CCDC197: variants seen among roughly 807,000 people sequenced by gnomAD.
The protein encoded by CCDC197 is coiled-coil domain containing 197, also known as uncharacterized protein CCDC197.
CCDC197 carries 24 observed loss-of-function variants against 13.4 expected under a neutral mutation model. The observed-to-expected ratio is 1.80, with a 90% CI of 1.30 to 2.53. The LOEUF (loss-of-function observed/expected upper bound fraction) is 2.53, where lower values mean the gene tolerates loss of function less well. Ranked by LOEUF, CCDC197 falls within the 30% of genes most tolerant of loss-of-function variation. The probability of loss-of-function intolerance (pLI) is 0.00; values close to 1 mark genes in which losing one functional copy is unlikely to be tolerated. For synonymous variants in CCDC197, 99 were observed against 55.5 expected, an observed-to-expected ratio of 1.78 and a Z score of -3.48; for missense variants, 255 against 148.8, an observed-to-expected ratio of 1.71 and a Z score of -3.71.
rs540898883 is a variant in CCDC197 at position 93,991,916 on chromosome 14, C to A, written c.-107+4520C>A. Among the ~76,000 whole-genome samples, 3 of 152,340 alleles carry A rather than the reference C, an allele frequency of 2.0e-5. No individual in the cohort carries two copies. In the South Asian group the frequency reaches 6.2e-4, roughly 32 times the overall value. ...CAAGGAGGAGCCAGGGCATCTGGAG[C>A]CTCATCAGCCAGAATGTGAACTTCA... On this transcript the variant is annotated intron_variant, in intron 1 of 7. Transcript: ENST00000640978.
chr14:94,005,984 A>G (rs1009309243), intron 6 of CCDC197, among the ~76,000 whole-genome samples: 12 of 152,360 alleles, frequency 7.9e-5, no homozygotes, highest in Admixed American at 5.2e-4. Context: ...ATTTTTATGC[A>G]GAGATATGTT....
At position 94,001,430 on chromosome 14, in the gene CCDC197, G is replaced by C. The variant is rs1042760804; in HGVS notation, c.366+107G>C. On this transcript the variant is annotated intron_variant, in intron 4 of 6. Transcript: ENST00000636493. ...GGGAAGGCCTAGAGGGAGCAGCGGC[G>C]TAATGCTGGGGGGCCCTCGGTGGGG... 8.8e-6 allele frequency: 5 copies of C among 566,072 alleles called. No individual in the cohort carries two copies. In the African/African-American group the frequency reaches 9.5e-5, roughly 11 times the overall value. 35.1% of individuals were successfully genotyped at this position (566,072 alleles called of 1,614,324 possible).
Position 94,008,670 on chromosome 14 carries a change from T to C in CCDC197, c.677T>C (p.Val226Ala), listed in dbSNP as rs561621845. The change falls in exon 7 of 7, where the codon GTG becomes GCG. Residue 226 changes from valine (V) to alanine (A), a missense_variant. Physicochemically the swap from Val to Ala is moderately conservative, Grantham distance 64. Coordinates refer to ENST00000636493, the MANE Select transcript of CCDC197 (RefSeq NM_001351596.2). ...RLIALLTEPK[V>A]CWSWDSFGDQ... ...ATCGCACTGCTCACGGAACCCAAAGTGTGCTGGTCATGGGACAGCTTCGGG... is the reference window on the plus strand; with the variant it reads ...ATCGCACTGCTCACGGAACCCAAAGCGTGCTGGTCATGGGACAGCTTCGGG... The C allele has an allele frequency of 5.7e-6, 4 of 703,022 alleles. No individual in the cohort carries two copies. Among genetic ancestry groups the C allele is most frequent in the South Asian group, 4.4e-5 (3 of 67,602 alleles). 43.5% of individuals were successfully genotyped at this position (703,022 alleles called of 1,614,324 possible).
intron 3 of CCDC197, 31 bp from the exon 4 acceptor site, chr14:94,001,114 C>T: frequency 1.4e-6 from 1 of 738,106 alleles, no homozygotes; most frequent in Non-Finnish European, 2.5e-6. Context: ...CAGGGGCACC[C>T]ACCCATCCCG....
In CCDC197 at chr14:94,004,202, G is replaced by A. The variant is rs541203157; in HGVS notation, c.499-653G>A. 1.4e-3 allele frequency among the ~76,000 whole-genome samples: 206 copies of A among 152,250 alleles called. 2 individuals are homozygous for A. Among genetic ancestry groups the A allele is most frequent in the South Asian group, 2.5e-3 (12 of 4,826 alleles). On this transcript the variant is annotated intron_variant, in intron 5 of 6. Coordinates refer to ENST00000636493, the MANE Select transcript of CCDC197 (RefSeq NM_001351596.2). ...TGTGGTCTGGTCACCCCTGGACCCC[G>A]GTTCCTCGCCATAAACGGAGGCAAC...
chr14:93,998,064 C>T lies in CCDC197; in HGVS notation c.-68C>T, dbSNP rs776603256. On this transcript the variant is annotated 5_prime_UTR_variant, in exon 2 of 7. Coordinates refer to ENST00000636493, the MANE Select transcript of CCDC197 (RefSeq NM_001351596.2). ...AGCTGCGGCTGTGACTGTCCCTTTT[C>T]GGTCTGTCTTCATCCTGCCTGACTC... 6.3e-5 allele frequency: 48 copies of T among 767,690 alleles called. No homozygotes were observed. Among genetic ancestry groups the T allele is most frequent in the South Asian group, 2.9e-4 (21 of 73,082 alleles). The allele number at this position is 767,690 out of a possible 1,614,324, so 47.6% of individuals were successfully genotyped here.
intron 1 of CCDC197, among the ~76,000 whole-genome samples, chr14:93,991,363 C>T (rs972078613): frequency 6.6e-6 from 1 of 152,158 alleles, no homozygotes; most frequent in Admixed American, 6.5e-5. Context: ...TCATTAGGCC[C>T]TCACAGCTCC....
chr14:94,003,205 C>G lies in CCDC197; in HGVS notation c.367-18C>G. On this transcript the variant is annotated intron_variant, in intron 4 of 6. Coordinates refer to ENST00000636493, the MANE Select transcript of CCDC197 (RefSeq NM_001351596.2). This position sits in a 1 kb window ranked among gnomAD's most constrained non-coding sequence, Gnocchi z 5.0. ...GGAGGGTTTGTTGTACCAAGATGGC[C>G]CATTCCCTCTGCCCCAGAGCCTCAA... 1.3e-6 allele frequency: 1 copy of G among 778,350 alleles called. No individual in the cohort carries two copies. The highest frequency in any genetic ancestry group is 1.3e-5 in the South Asian group (1 of 74,202). 48.2% of individuals were successfully genotyped at this position (778,350 alleles called of 1,614,324 possible).
At chr14:93,991,522 T>C (rs569707812) in intron 1 of CCDC197, among the ~76,000 whole-genome samples, 1 of 152,350 alleles carries the variant, frequency 6.6e-6, no homozygotes, top group South Asian at 2.1e-4. Flanking sequence ...TCTGTCTGTA[T>C]GCATACATCT....
downstream of CCDC197, among the ~76,000 whole-genome samples, chr14:94,011,139 C>A (rs544524875): frequency 2.6e-5 from 4 of 152,318 alleles, no homozygotes; most frequent in Non-Finnish European, 5.9e-5. Context: ...TCCCTCTGCA[C>A]GATGGGGCTG....
chr14:94,007,978 G>C (rs1445522324), intron 6 of CCDC197, among the ~76,000 whole-genome samples: 2 of 152,206 alleles, frequency 1.3e-5, no homozygotes, highest in African/African-American at 4.8e-5. Context: ...TGAAGTCTGT[G>C]TAATTGGCAT....
chr14:93,998,656 T>C (rs10134471), intron 2 of CCDC197, among the ~76,000 whole-genome samples: 5 of 152,196 alleles, frequency 3.3e-5, no homozygotes, highest in African/African-American at 4.8e-5. Context: ...CACAAAAGCC[T>C]GAATTCGATG....
chr14:94,002,367 C>T (rs769063497), intron 4 of CCDC197, among the ~76,000 whole-genome samples: 1 of 152,090 alleles, frequency 6.6e-6, no homozygotes. Context: ...CGGCTTACTG[C>T]AGCCTCCGCC....
chr14:94,001,681 T>C (rs1890515524), intron 4 of CCDC197: 1 of 189,900 alleles, frequency 5.3e-6, no homozygotes, highest in African/African-American at 2.3e-5. Context: ...ACACCCTAGT[T>C]GCTAGCGTCC....
At chr14:93,998,346 G>T (rs1295203860) in intron 2 of CCDC197, 111 bp downstream of exon 2, 1 of 683,504 alleles carries the variant, frequency 1.5e-6, no homozygotes, top group African/African-American at 1.8e-5. Flanking sequence ...GGGGGTGGAT[G>T]AGGAGGGCAG....
At chr14:94,010,850 T>C (rs1890796355), downstream of CCDC197, among the ~76,000 whole-genome samples, 1 of 152,154 alleles carries the variant, frequency 6.6e-6, no homozygotes. Context: ...CAAGCTAAAG[T>C]ATCCCATTAA....
In CCDC197 at chr14:94,001,199, A is replaced by G; in HGVS notation, c.242A>G (p.His81Arg). 1.3e-6 allele frequency: 1 copy of G among 780,834 alleles called. No homozygotes were observed. The highest frequency in any genetic ancestry group is 2.4e-6 in the Non-Finnish European group (1 of 418,046). The allele number at this position is 780,834 out of a possible 1,614,324, so 48.4% of individuals were successfully genotyped here. A position where few individuals can be genotyped will look rare whatever the true frequency, so the allele number is the denominator to read the frequency against. ...EEVLVEATVK[H>R]YGKLFTASQD... ...GTGCTGGTGGAGGCCACGGTGAAGC[A>G]CTACGGGAAGCTCTTCACAGCCAGC... The change falls in exon 4 of 7, where the codon CAC (histidine) becomes CGC (arginine). Residue 81 changes from histidine to arginine, a missense_variant. Physicochemically the swap from His to Arg is conservative, Grantham distance 29 (BLOSUM62 0). Coordinates refer to ENST00000636493, the MANE Select transcript of CCDC197 (RefSeq NM_001351596.2).
At chr14:93,999,874 G>C (rs1369829522) in intron 3 of CCDC197, among the ~76,000 whole-genome samples, 1 of 152,196 alleles carries the variant, frequency 6.6e-6, no homozygotes, top group Non-Finnish European at 1.5e-5. Flanking sequence ...GTCGCTAACA[G>C]TGTGGCCTCT....
chr14:93,992,519 T>C (rs1890232099), upstream of CCDC197, among the ~76,000 whole-genome samples: 1 of 152,188 alleles, frequency 6.6e-6, no homozygotes, highest in Non-Finnish European at 1.5e-5. Flanking sequence ...CAGTTGATGA[T>C]GCCCTGGCTG....
Sources: allele counts gnomAD v4.1 joint callset (sites outside exome capture counted in the v4.1 genomes callset), GRCh38; gene constraint gnomAD v4.1.1; non-coding constraint Gnocchi (gnomAD v3.1); transcripts MANE v1.5; gene names NCBI Gene and HGNC (gene_info 2026-07-23, HGNC 2026-07-21).